GAK: variants seen among roughly 807,000 people sequenced by gnomAD.
GAK encodes cyclin G associated kinase.
In GAK, 79 loss-of-function variants were observed where a neutral mutation model predicts 143.9. The ratio of observed to expected loss-of-function variants is 0.55; its 90% CI spans 0.46 to 0.66. The LOEUF (loss-of-function observed/expected upper bound fraction) is 0.66. GAK is among the 30% of genes least tolerant of loss of function. GAK has a pLI of 0.00. For synonymous variants in GAK, 881 were observed against 765.5 expected (o/e 1.15, Z -2.49); for missense variants, 1,693 against 1,779.7 (o/e 0.95, Z 0.88).
chr4:859,180 C>T lies in GAK; in HGVS notation c.3283+426G>A, dbSNP rs181745714. The T allele has an allele frequency of 2.7e-4, 261 of 984,826 alleles. No individual in the cohort carries two copies. The African/African-American group carries it at 3.5e-3, about 13-fold the overall frequency. 61.0% of individuals were successfully genotyped at this position (984,826 alleles called of 1,614,324 possible). A position where few individuals can be genotyped will look rare whatever the true frequency, so the allele number is the denominator to read the frequency against. On this transcript the variant is annotated intron_variant, in intron 24 of 27. Transcript: ENST00000314167. ...GACCGGAGACTCAGACCACAGCGCC[C>T]GGGCCGGGCCTGAGGCAGACGCAGG...
intron 4 of GAK, among the ~76,000 whole-genome samples, chr4:905,529 A>G (rs960654468): frequency 6.9e-6 from 1 of 144,148 alleles, no homozygotes; most frequent in Non-Finnish European, 1.5e-5. Flanking sequence ...GCCACGCCCC[A>G]TGCCACGCTA....
intron 5 of GAK, among the ~76,000 whole-genome samples, chr4:901,316 G>C (rs960473268): frequency 1.3e-5 from 2 of 152,162 alleles, no homozygotes; most frequent in African/African-American, 4.8e-5. Context: ...CACACGGGGA[G>C]AGCCACGGCC....
intron 22 of GAK, 130 bp from the exon 23 acceptor site, chr4:865,374 C>A (rs2152739671): frequency 9.0e-7 from 1 of 1,109,108 alleles, no homozygotes; most frequent in Non-Finnish European, 1.3e-6. Context: ...TGAGGCTGGG[C>A]TGACGGCCTC....
intron 25 of GAK, chr4:851,490 G>A (rs1168367353): frequency 3.5e-6 from 2 of 573,000 alleles, no homozygotes; most frequent in East Asian, 3.0e-5. Context: ...GAGTAAAGAA[G>A]AGGGAAGACA....
intron 12 of GAK, 37 bp from the exon 13 acceptor site, chr4:883,500 G>T (rs1035687515): frequency 6.2e-7 from 1 of 1,607,964 alleles, no homozygotes; most frequent in Non-Finnish European, 8.5e-7. Flanking sequence ...CCTGGGAGAT[G>T]CGCACCTCGT....
chr4:888,042 G>A (rs1716881726), intron 11 of GAK: 1 of 152,290 alleles, frequency 6.6e-6, no homozygotes, highest in Non-Finnish European at 1.5e-5. Context: ...CGTCTACCTG[G>A]TGCTGGGGAC....
chr4:893,929 C>T lies in GAK; in HGVS notation c.822G>A (p.Gly274=), dbSNP rs1460240213. 6 of 1,612,812 alleles carry T rather than the reference C, an allele frequency of 3.7e-6. No homozygotes were observed. The East Asian group carries it at 6.7e-5, about 18-fold the overall frequency. ...TGTCGTGCGGGGGGATCGAGTACTT[C>T]CCATTGACTATTCGAAGTTTCGCTC... is the stretch of plus-strand genomic sequence containing the variant. ...EDGAKLRIVN[G]KYSIPPHDTQ... is the part of the protein sequence containing the mutation. Residue 274 remains glycine (G), a synonymous_variant, in exon 8 of 28, where the codon GGG becomes GGA. Coordinates refer to ENST00000314167, the MANE Select transcript of GAK (RefSeq NM_005255.4).
At position 902,605 on chromosome 4, in the gene GAK, A is replaced by AACAAAAAAAAAC. The variant is rs1553889068; in HGVS notation, c.525+2031_525+2032insGTTTTTTTTTGT. Among the ~76,000 whole-genome samples, 32 of 130,386 alleles carry AACAAAAAAAAAC rather than the reference A, an allele frequency of 2.5e-4. 1 individual carries two copies. Among genetic ancestry groups the AACAAAAAAAAAC allele is most frequent in the Non-Finnish European group, 4.3e-4 (26 of 60,234 alleles). The allele number at this position is 130,386 out of a possible 152,430, so 85.5% of individuals were successfully genotyped here. On this transcript the variant is annotated intron_variant, in intron 5 of 27. Coordinates refer to ENST00000314167, the MANE Select transcript of GAK (RefSeq NM_005255.4). Reference sequence around the variant, plus strand: ...TGTAGAGTGACTGACTCAAAAAAAAAAAAAAAAAACCCCAAAAAACCTCTT... The same window carrying AACAAAAAAAAAC: ...TGTAGAGTGACTGACTCAAAAAAAAAACAAAAAAAAACAAAAAAAAACCCCAAAAAACCTCTT...
At chr4:851,723 C>T in intron 25 of GAK, 27 bp downstream of exon 25, 2 of 1,604,176 alleles carry the variant, frequency 1.2e-6, no homozygotes, top group South Asian at 1.1e-5. Context: ...CTGCAAACTC[C>T]ACAGCAACAG....
intron 4 of GAK, among the ~76,000 whole-genome samples, chr4:907,460 G>A (rs956130151): frequency 1.8e-4 from 27 of 152,342 alleles, no homozygotes; most frequent in African/African-American, 5.3e-4. Flanking sequence ...CCAGGCCCGG[G>A]GAGTCAGAGT....
intron 1 of GAK, among the ~76,000 whole-genome samples, chr4:931,259 C>G (rs1343298956): frequency 6.6e-6 from 1 of 152,198 alleles, no homozygotes. Flanking sequence ...AGCCGAGTGA[C>G]CTGTCCACTC....
intron 22 of GAK, 119 bp from the exon 23 acceptor site, chr4:865,363 C>G: frequency 7.6e-7 from 1 of 1,317,026 alleles, no homozygotes; most frequent in Non-Finnish European, 1.1e-6. Context: ...CCAGGCTGAG[C>G]TGAGGCTGGG....
chr4:850,900 C>T, intron 26 of GAK, 36 bp downstream of exon 26: 1 of 1,602,966 alleles, frequency 6.2e-7, no homozygotes, highest in South Asian at 1.1e-5. Flanking sequence ...GGGTTGAGGC[C>T]TCTGGGCTCC....
chr4:905,265 G>C (rs770814342), intron 4 of GAK, among the ~76,000 whole-genome samples: 1 of 152,160 alleles, frequency 6.6e-6, no homozygotes, highest in African/African-American at 2.4e-5. Flanking sequence ...TCCCGCTTTC[G>C]TTCTTTTGTT....
chr4:884,125 ACAC>A (rs1455366277), intron 11 of GAK, 39 bp from the exon 12 acceptor site: 1 of 1,581,580 alleles, frequency 6.3e-7, no homozygotes, highest in Non-Finnish European at 8.7e-7. Context: ...ATGACAAGAA[ACAC>A]TCCGCAGTTA....
intron 13 of GAK, 60 bp from the exon 14 acceptor site, chr4:882,879 G>C: frequency 1.9e-6 from 3 of 1,583,312 alleles, no homozygotes; most frequent in Non-Finnish European, 2.6e-6. Context: ...GCCTTGGTCA[G>C]CTAGGAGGGA....
rs1205886854 is a variant in GAK at position 851,796 on chromosome 4, A to G, written c.3462T>C (p.Ser1154=). 6 of 1,612,692 alleles carry G rather than the reference A, an allele frequency of 3.7e-6. No homozygotes were observed. The highest frequency in any genetic ancestry group is 5.1e-6 in the Non-Finnish European group (6 of 1,179,410). ...QPRPNYASNF[S]VIGAREERGV... ...CCCGCTCCTCCCGCGCCCCGATCAC[A>G]CTGAAGTTCGAGGCATAGTTAGGCC... Residue 1154 remains serine (S), a synonymous_variant, in exon 25 of 28, where the codon AGT becomes AGC. Transcript: ENST00000314167.
chr4:908,165 C>T (rs1383929115), intron 4 of GAK, among the ~76,000 whole-genome samples: 1 of 152,198 alleles, frequency 6.6e-6, no homozygotes, highest in Non-Finnish European at 1.5e-5. Context: ...ATCAGCAAAA[C>T]ATCCATCACT....
Position 882,003 on chromosome 4 carries a change from A to C in GAK, c.1565T>G (p.Phe522Cys), listed in dbSNP as rs775353176. The change falls in exon 15 of 28, where the codon TTC (phenylalanine) becomes TGC (cysteine). Residue 522 changes from phenylalanine (F) to cysteine (C), a missense_variant. Around this residue, in one of 2 missense-constraint regions of GAK, gnomAD observed 871 missense variants for 991.0 expected, o/e 0.88. Transcript: ENST00000314167. ...GCTGAAGAGACGGCAGAAGCACAGGAAGGAGCAGACGGCCACAGCAGACGC... is the reference window on the plus strand; with the variant it reads ...GCTGAAGAGACGGCAGAAGCACAGGCAGGAGCAGACGGCCACAGCAGACGC... ...RAASAVAVCSFLCFCRLFSTA... is the reference protein window; with the variant it reads ...RAASAVAVCSCLCFCRLFSTA... 1.2e-6 allele frequency: 2 copies of C among 1,607,410 alleles called. No individual in the cohort carries two copies. Among genetic ancestry groups the C allele is most frequent in the South Asian group, 1.1e-5 (1 of 90,000 alleles).
Sources: allele counts gnomAD v4.1 joint callset (sites outside exome capture counted in the v4.1 genomes callset), GRCh38; gene constraint gnomAD v4.1.1; regional missense constraint gnomAD v4.1.1; transcripts MANE v1.5; gene names NCBI Gene and HGNC (gene_info 2026-07-23, HGNC 2026-07-21).